Variants in DDX47 observed in about 807,000 individuals in gnomAD.
DDX47 encodes DEAD-box helicase 47, also known as probable ATP-dependent RNA helicase DDX47.
DDX47 carries 60 observed loss-of-function variants against 58.8 expected under a neutral mutation model. That is an observed-to-expected ratio of 1.02 (90% CI 0.83 to 1.26). The LOEUF is 1.26. Ranked by LOEUF, DDX47 falls within the 50% of genes most tolerant of loss-of-function variation. DDX47 has a pLI of 0.00. For missense variants in DDX47, 530 were observed against 573.2 expected, an observed-to-expected ratio of 0.92 and a Z score of 0.77; for synonymous variants, 197 against 204.6, an observed-to-expected ratio of 0.96 and a Z score of 0.32.
chr12:12,818,990 C>G (rs1374975716), intron 2 of DDX47, among the ~76,000 whole-genome samples: 1 of 152,150 alleles, frequency 6.6e-6, no homozygotes. Flanking sequence ...GGGGACACAG[C>G]CAAACCATAT....
intron 11 of DDX47, among the ~76,000 whole-genome samples, chr12:12,829,048 A>G (rs1863093848): frequency 6.6e-6 from 1 of 152,206 alleles, no homozygotes; most frequent in Non-Finnish European, 1.5e-5. Flanking sequence ...TGTTGGGCCA[A>G]GGGACATACA....
chr12:12,824,977 C>T lies in DDX47; in HGVS notation c.1035+300C>T, dbSNP rs189072445. On this transcript the variant is annotated intron_variant, in intron 9 of 11. Coordinates refer to ENST00000358007, the MANE Select transcript of DDX47 (RefSeq NM_016355.4). The stretch of plus-strand genomic sequence containing the variant: ...ATGACAGCTTGTAGTTTTTTTGAGG[C>T]GGAGTCTCGCTCTGAGTTTTCTGAG... The T allele has an allele frequency of 4.1e-3, 901 of 219,558 alleles. 4 individuals are homozygous for T. The highest frequency in any genetic ancestry group is 5.5e-3 in the Non-Finnish European group (618 of 111,704). 13.6% of individuals were successfully genotyped at this position (219,558 alleles called of 1,614,324 possible). A position where few individuals can be genotyped will look rare whatever the true frequency, so the allele number is the denominator to read the frequency against.
At position 12,821,834 on chromosome 12, in the gene DDX47, T is replaced by G. The variant is rs1862977137; in HGVS notation, c.442+108T>G. 2.4e-6 allele frequency: 3 copies of G among 1,231,082 alleles called. No homozygotes were observed. In the Admixed American group the frequency reaches 6.3e-5, roughly 26 times the overall value. The allele number at this position is 1,231,082 out of a possible 1,614,324, so 76.3% of individuals were successfully genotyped here. A position where few individuals can be genotyped will look rare whatever the true frequency, so the allele number is the denominator to read the frequency against. ...AACAGATTTTGTAACCCTGTTAAATTTTTTAATTTCTTAAGTTAAATTTGG... is the reference window on the plus strand; with the variant it reads ...AACAGATTTTGTAACCCTGTTAAATGTTTTAATTTCTTAAGTTAAATTTGG... On this transcript the variant is annotated intron_variant, in intron 4 of 11. Coordinates refer to ENST00000358007, the MANE Select transcript of DDX47 (RefSeq NM_016355.4).
intron 2 of DDX47, 23 bp from the exon 3 acceptor site, chr12:12,821,185 T>C (rs375715450): frequency 6.3e-5 from 101 of 1,611,830 alleles, no homozygotes; most frequent in Non-Finnish European, 7.6e-5. Context: ...ATTACTTGGC[T>C]GTTGAATTTC....
intron 7 of DDX47, 105 bp downstream of exon 7, chr12:12,823,424 C>T (rs1863003231): frequency 6.6e-6 from 5 of 758,848 alleles, no homozygotes; most frequent in Non-Finnish European, 9.2e-6. Flanking sequence ...TGCAGATTGG[C>T]ATCCTGTCTG....
At chr12:12,823,730 A>T in intron 7 of DDX47, 140 bp from the exon 8 acceptor site, 2 of 788,566 alleles carry the variant, frequency 2.5e-6, no homozygotes, top group Non-Finnish European at 4.1e-6. Flanking sequence ...AATGCTGGTT[A>T]AGGAATGCAA....
At position 12,814,081 on chromosome 12, in the gene DDX47, A is replaced by G. The variant is rs777815894; in HGVS notation, c.88-50A>G. On this transcript the variant is annotated intron_variant, in intron 1 of 11. Coordinates refer to ENST00000358007, the MANE Select transcript of DDX47 (RefSeq NM_016355.4). ...TCTGACAGTCAGTTAAGTAGGAGGG[A>G]GGTAGGGGTGTGCTGTTCTTGGCTA... 9.0e-6 allele frequency: 10 copies of G among 1,110,946 alleles called. No individual in the cohort carries two copies. The South Asian group carries it at 1.2e-4, about 14-fold the overall frequency. The allele number at this position is 1,110,946 out of a possible 1,614,324, so 68.8% of individuals were successfully genotyped here. A position where few individuals can be genotyped will look rare whatever the true frequency, so the allele number is the denominator to read the frequency against.
At chr12:12,826,562 C>G (rs1863054350) in intron 10 of DDX47, among the ~76,000 whole-genome samples, 2 of 151,852 alleles carry the variant, frequency 1.3e-5, no homozygotes, top group African/African-American at 4.8e-5. Context: ...CCTACCTCAC[C>G]ATAGCTTCCC....
At chr12:12,828,333 A>G (rs530195426) in intron 11 of DDX47, among the ~76,000 whole-genome samples, 1 of 152,332 alleles carries the variant, frequency 6.6e-6, no homozygotes, top group Non-Finnish European at 1.5e-5. Flanking sequence ...AATTACCTTC[A>G]TATATAAGGT....
intron 2 of DDX47, among the ~76,000 whole-genome samples, chr12:12,816,096 A>G (rs1049568005): frequency 5.3e-5 from 8 of 152,192 alleles, no homozygotes; most frequent in African/African-American, 1.4e-4. Context: ...TGTTTAGGGC[A>G]TATTATTGGT....
chr12:12,814,249 T>C, intron 2 of DDX47, 25 bp downstream of exon 2: 1 of 1,428,832 alleles, frequency 7.0e-7, no homozygotes, highest in Non-Finnish European at 9.9e-7. Flanking sequence ...TTCGTACAGA[T>C]TTAATATAAA....
chr12:12,827,585 T>G (rs1187999420), intron 11 of DDX47, among the ~76,000 whole-genome samples: 2 of 152,230 alleles, frequency 1.3e-5, no homozygotes, highest in Non-Finnish European at 2.9e-5. Flanking sequence ...CATTCTGACA[T>G]TCACACATTC....
intron 10 of DDX47, 36 bp downstream of exon 10, chr12:12,826,106 G>GA (rs747746920): frequency 6.4e-7 from 1 of 1,560,072 alleles, no homozygotes; most frequent in South Asian, 1.2e-5. Context: ...GCAATGTAGA[G>GA]AAAAGAGCAG....
At chr12:12,819,021 C>T (rs905635465) in intron 2 of DDX47, among the ~76,000 whole-genome samples, 2 of 152,176 alleles carry the variant, frequency 1.3e-5, no homozygotes, top group Non-Finnish European at 2.9e-5. Flanking sequence ...TCTGATCTGG[C>T]ATGGCAGATC....
intron 8 of DDX47, 61 bp from the exon 9 acceptor site, chr12:12,824,479 T>C: frequency 6.5e-7 from 1 of 1,545,284 alleles, no homozygotes; most frequent in East Asian, 2.3e-5. Context: ...TTTGTCTATT[T>C]TGTGTTTTGT....
intron 2 of DDX47, among the ~76,000 whole-genome samples, chr12:12,819,479 A>C (rs886075166): frequency 6.6e-6 from 1 of 152,002 alleles, no homozygotes; most frequent in African/African-American, 2.4e-5. Context: ...TCTGCCCCTG[A>C]GGAAGTACCA....
At chr12:12,825,852 TCAA>T (rs1863044130) in intron 9 of DDX47, 145 bp from the exon 10 acceptor site, 1 of 571,576 alleles carries the variant, frequency 1.7e-6, no homozygotes, top group East Asian at 3.2e-5. Context: ...TAGATTTGTC[TCAA>T]CAAATTGCCC....
intron 2 of DDX47, among the ~76,000 whole-genome samples, chr12:12,819,987 G>T (rs1862945635): frequency 6.6e-6 from 1 of 152,194 alleles, no homozygotes; most frequent in South Asian, 2.1e-4. Flanking sequence ...AGGGAAAAGA[G>T]ATTTGTTTAT....
intron 7 of DDX47, chr12:12,823,641 G>T: frequency 1.8e-6 from 1 of 566,992 alleles, no homozygotes. Flanking sequence ...TTTGATATAA[G>T]GACTTCTCCT....
Sources: allele counts gnomAD v4.1 joint callset (sites outside exome capture counted in the v4.1 genomes callset), GRCh38; gene constraint gnomAD v4.1.1; transcripts MANE v1.5; gene names NCBI Gene and HGNC (gene_info 2026-07-23, HGNC 2026-07-21).